The following CPQ variants were observed in gnomAD, a reference collection of about 807,000 sequenced individuals.
The protein encoded by CPQ is Ser-Met dipeptidase.
In CPQ, 37 loss-of-function variants were observed where a neutral mutation model predicts 45.7. That is an observed-to-expected ratio of 0.81 (90% confidence interval 0.62 to 1.07). The LOEUF is 1.07. Ranked by LOEUF, CPQ falls within the 50% of genes least tolerant of loss-of-function variation. The pLI, the probability that CPQ is intolerant of heterozygous loss-of-function variation, is 0.00. For synonymous variants in CPQ, 186 were observed against 205.8 expected (o/e 0.90, Z 0.82); for missense variants, 537 against 572.9 (o/e 0.94, Z 0.64).
chr8:97,045,831 T>C (rs1304187052), intron 6 of CPQ, among the ~76,000 whole-genome samples: 1 of 151,954 alleles, frequency 6.6e-6, no homozygotes. Context: ...GCTTGAGGAG[T>C]GCACGAGCAG....
intron 7 of CPQ, among the ~76,000 whole-genome samples, chr8:97,114,980 C>T (rs1811559318): frequency 6.6e-6 from 1 of 152,190 alleles, no homozygotes; most frequent in East Asian, 1.9e-4. Flanking sequence ...AAGGCAGAAA[C>T]TGAATTTCCT....
chr8:96,995,671 A>ATTT (rs1563549255), intron 5 of CPQ, among the ~76,000 whole-genome samples: 126 of 147,566 alleles, frequency 8.5e-4, no homozygotes, highest in African/African-American at 3.1e-3. Context: ...TTTTTTTTTA[A>ATTT]AAAAAAAACA....
At chr8:96,785,527 C>T (rs1324740366) in intron 2 of CPQ, among the ~76,000 whole-genome samples, 197 bp downstream of exon 2, 1 of 152,014 alleles carries the variant, frequency 6.6e-6, no homozygotes, top group East Asian at 1.9e-4. Context: ...CATGTTGGAT[C>T]GCTTTTTAAA....
At chr8:96,941,880 T>C (rs1026341746) in intron 4 of CPQ, among the ~76,000 whole-genome samples, 6 of 152,182 alleles carry the variant, frequency 3.9e-5, no homozygotes, top group African/African-American at 1.4e-4. Flanking sequence ...TTAAATGTAG[T>C]CATTTTTATA....
chr8:96,802,990 T>TACACACAC lies in CPQ; in HGVS notation c.433+17684_433+17691dup, dbSNP rs71569185. 8.5e-4 allele frequency among the ~76,000 whole-genome samples: 122 copies of TACACACAC among 144,016 alleles called. 2 individuals are homozygous for TACACACAC. Among genetic ancestry groups the TACACACAC allele is most frequent in the African/African-American group, 2.8e-3 (110 of 39,594 alleles). The allele number at this position is 144,016 out of a possible 152,430, so 94.5% of individuals were successfully genotyped here. A position where few individuals can be genotyped will look rare whatever the true frequency, so the allele number is the denominator to read the frequency against. ...AAGGTTCTCAAAAGAAACAGAAGCA[T>TACACACAC]ACACACACACACACACACACACACA... On this transcript the variant is annotated intron_variant, in intron 2 of 7. Coordinates refer to ENST00000220763, the MANE Select transcript of CPQ (RefSeq NM_016134.4).
intron 5 of CPQ, among the ~76,000 whole-genome samples, chr8:96,990,305 T>G (rs968811076): frequency 5.3e-5 from 8 of 152,174 alleles, no homozygotes; most frequent in African/African-American, 1.9e-4. Context: ...TTCCCAAGCC[T>G]ATGTTTTTGT....
chr8:97,068,575 G>T (rs1452417934), intron 7 of CPQ, among the ~76,000 whole-genome samples: 2 of 152,198 alleles, frequency 1.3e-5, no homozygotes, highest in East Asian at 3.9e-4. Context: ...GGCAGTTGCA[G>T]TGAGCTGAGA....
chr8:97,115,626 G>A (rs1244795253), intron 7 of CPQ, among the ~76,000 whole-genome samples: 2 of 152,220 alleles, frequency 1.3e-5, no homozygotes, highest in East Asian at 3.8e-4. Flanking sequence ...TTGGCATTCG[G>A]TGAAGGAGAA....
chr8:97,032,297 C>T (rs769109843), intron 6 of CPQ, among the ~76,000 whole-genome samples: 1 of 152,182 alleles, frequency 6.6e-6, no homozygotes. Context: ...AGCTGACATA[C>T]CCTTTAAAAA....
intron 2 of CPQ, among the ~76,000 whole-genome samples, chr8:96,829,152 T>G (rs1811413941): frequency 6.6e-6 from 1 of 152,112 alleles, no homozygotes; most frequent in Admixed American, 6.6e-5. Flanking sequence ...CAGGTATCAG[T>G]ACAGCAAGTG....
intron 1 of CPQ, among the ~76,000 whole-genome samples, chr8:96,693,781 C>A (rs1487669789): frequency 6.6e-6 from 1 of 152,046 alleles, no homozygotes; most frequent in Non-Finnish European, 1.5e-5. Context: ...AGGCAAAGGA[C>A]TCAGTGGTTA....
In CPQ at chr8:96,686,565, T is replaced by G. The variant is rs143026462; in HGVS notation, c.-35+41163T>G. On this transcript the variant is annotated intron_variant, in intron 1 of 7. Transcript: ENST00000220763. ...ATAAACACCACTTAGTAATGGTATA[T>G]TATACTTTAATGTGATCCTGGATTC... Among the ~76,000 whole-genome samples the G allele has an allele frequency of 3.0e-4, 46 of 152,120 alleles. No homozygotes were observed. In the East Asian group the frequency reaches 8.9e-3, roughly 29 times the overall value.
intron 1 of CPQ, among the ~76,000 whole-genome samples, chr8:96,778,446 T>G (rs561788131): frequency 2.7e-4 from 41 of 152,292 alleles, no homozygotes; most frequent in Non-Finnish European, 4.7e-4. Context: ...AACCAGGTTT[T>G]GGGTCAACTA....
intron 6 of CPQ, among the ~76,000 whole-genome samples, chr8:97,049,289 C>T (rs1810315445): frequency 6.6e-6 from 1 of 151,896 alleles, no homozygotes; most frequent in South Asian, 2.1e-4. Flanking sequence ...GATATTTTAC[C>T]ATTAATATAG....
intron 3 of CPQ, among the ~76,000 whole-genome samples, chr8:96,866,317 G>A (rs1811994937): frequency 6.6e-6 from 1 of 152,020 alleles, no homozygotes; most frequent in South Asian, 2.1e-4. Context: ...ATAAAAGCAG[G>A]AGGTTCATGA....
chr8:97,023,041 AG>A, intron 5 of CPQ, among the ~76,000 whole-genome samples: 2 of 139,750 alleles, frequency 1.4e-5, no homozygotes, highest in African/African-American at 5.5e-5. Context: ...GTATATATAC[AG>A]TATATATACT....
chr8:96,655,818 A>G (rs1047929011), intron 1 of CPQ, among the ~76,000 whole-genome samples: 1 of 152,192 alleles, frequency 6.6e-6, no homozygotes, highest in Non-Finnish European at 1.5e-5. Flanking sequence ...TGTAAGTTGA[A>G]CCATCATAAA....
At chr8:96,910,271 C>T (rs763910643) in intron 4 of CPQ, among the ~76,000 whole-genome samples, 6 of 152,002 alleles carry the variant, frequency 3.9e-5, no homozygotes, top group Non-Finnish European at 8.8e-5. Context: ...TCAGGGTGGA[C>T]CTGAAGTAGA....
intron 1 of CPQ, among the ~76,000 whole-genome samples, chr8:96,696,293 G>A (rs1351140997): frequency 1.3e-5 from 2 of 151,858 alleles, no homozygotes; most frequent in Non-Finnish European, 2.9e-5. Flanking sequence ...GACTGTTGTG[G>A]GGTGGGGGGA....
Sources: allele counts gnomAD v4.1 joint callset (sites outside exome capture counted in the v4.1 genomes callset), GRCh38; gene constraint gnomAD v4.1.1; transcripts MANE v1.5; gene names NCBI Gene and HGNC (gene_info 2026-07-23, HGNC 2026-07-21).